The following ARHGAP25 variants were observed in gnomAD, a reference collection of about 807,000 sequenced individuals.
The protein encoded by ARHGAP25 is rho GTPase-activating protein 25.
ARHGAP25 carries 34 observed loss-of-function variants against 71.0 expected under a neutral mutation model. That is an observed-to-expected ratio of 0.48 (90% confidence interval 0.36 to 0.64). The LOEUF (loss-of-function observed/expected upper bound fraction) is 0.64. ARHGAP25 is among the 30% of genes least tolerant of loss of function. The probability of loss-of-function intolerance (pLI) is 0.00; values close to 1 mark genes in which losing one functional copy is unlikely to be tolerated. For missense variants in ARHGAP25, 706 were observed against 805.1 expected (o/e 0.88, Z 1.49); for synonymous variants, 282 against 296.5 (o/e 0.95, Z 0.50).
At chr2:68,742,810 C>T (rs913084861) in intron 1 of ARHGAP25, among the ~76,000 whole-genome samples, 1 of 152,182 alleles carries the variant, frequency 6.6e-6, no homozygotes, top group Non-Finnish European at 1.5e-5. Context: ...AGTGTCTGCT[C>T]CTGGCTCACA....
At chr2:68,742,455 C>T (rs935413788) in intron 1 of ARHGAP25, among the ~76,000 whole-genome samples, 4 of 152,178 alleles carry the variant, frequency 2.6e-5, no homozygotes, top group African/African-American at 7.2e-5. Flanking sequence ...TATCATCGAT[C>T]GGTCACTGTG....
intron 5 of ARHGAP25, among the ~76,000 whole-genome samples, chr2:68,809,849 G>A (rs1680649621): frequency 6.6e-6 from 1 of 152,162 alleles, no homozygotes; most frequent in Non-Finnish European, 1.5e-5. Flanking sequence ...TGTTTGGTGA[G>A]ACTAGTGCAG....
chr2:68,775,126 T>G (rs1445553580), intron 1 of ARHGAP25, 95 bp from the exon 2 acceptor site: 1 of 1,604,686 alleles, frequency 6.2e-7, no homozygotes, highest in African/African-American at 1.3e-5. Flanking sequence ...CCCCCGCTTC[T>G]CAGCCCCCTC....
At chr2:68,807,228 A>G (rs1680439658) in intron 4 of ARHGAP25, 45 bp from the exon 5 acceptor site, 1 of 1,602,078 alleles carries the variant, frequency 6.2e-7, no homozygotes, top group Non-Finnish European at 8.5e-7. Flanking sequence ...AGTTCATCCA[A>G]GGAAGCACAG....
chr2:68,731,806 G>A (rs944540011), upstream of ARHGAP25, among the ~76,000 whole-genome samples: 1 of 150,392 alleles, frequency 6.6e-6, no homozygotes, highest in Non-Finnish European at 1.5e-5. Context: ...TAGGCCCCTC[G>A]CATATACACC....
At chr2:68,808,588 A>T (rs1680547989) in intron 5 of ARHGAP25, among the ~76,000 whole-genome samples, 1 of 152,194 alleles carries the variant, frequency 6.6e-6, no homozygotes, top group Non-Finnish European at 1.5e-5. Context: ...GAAGCAAGAG[A>T]TGGGGTTCTT....
At chr2:68,816,233 C>T (rs1436906613) in intron 6 of ARHGAP25, 56 bp from the exon 7 acceptor site, 9 of 1,444,904 alleles carry the variant, frequency 6.2e-6, no homozygotes, top group Non-Finnish European at 8.8e-6. Context: ...TCCTTGCTGG[C>T]ACATGGGCAG....
Position 68,782,314 on chromosome 2 carries a change from A to G in ARHGAP25, c.343A>G (p.Ile115Val). 1 of 1,614,122 alleles carries G rather than the reference A, an allele frequency of 6.2e-7. No individual in the cohort carries two copies. Among genetic ancestry groups the G allele is most frequent in the Non-Finnish European group, 8.5e-7 (1 of 1,179,976 alleles). ...EEAGKFVFEI[I>V]PASWDQNRMG... ...AGCTGGGAAGTTTGTCTTTGAAATC[A>G]TTCCAGGTAGGCCACCACAGGTAGG... The change falls in exon 3 of 11, where the codon ATT becomes GTT. Residue 115 changes from isoleucine to valine, a missense_variant. Coordinates refer to ENST00000409202, the MANE Select transcript of ARHGAP25 (RefSeq NM_001007231.3).
chr2:68,717,748 G>A (rs566831979), intron 2 of ARHGAP25, among the ~76,000 whole-genome samples: 19 of 152,318 alleles, frequency 1.2e-4, no homozygotes, highest in Admixed American at 7.8e-4. Flanking sequence ...TTTAAAGTGG[G>A]AGTGAAAACT....
In ARHGAP25 at chr2:68,807,263, C is replaced by G; in HGVS notation, c.467-10C>G. On this transcript the variant is annotated splice_polypyrimidine_tract_variant and intron_variant, in intron 4 of 10. Coordinates refer to ENST00000409202, the MANE Select transcript of ARHGAP25 (RefSeq NM_001007231.3). ...GAATGACGGGCAGGTTCTGTTTGCTCTCTCCTCAGCAGTGTTTGGCCAGCG... is the reference window on the plus strand; with the variant it reads ...GAATGACGGGCAGGTTCTGTTTGCTGTCTCCTCAGCAGTGTTTGGCCAGCG... The G allele has an allele frequency of 6.2e-7, 1 of 1,614,118 alleles. No individual in the cohort carries two copies. Among genetic ancestry groups the G allele is most frequent in the Non-Finnish European group, 8.5e-7 (1 of 1,179,994 alleles).
intron 8 of ARHGAP25, 128 bp from the exon 9 acceptor site, chr2:68,818,995 C>T (rs889055427): frequency 2.6e-6 from 2 of 757,964 alleles, no homozygotes; most frequent in Non-Finnish European, 4.1e-6. Context: ...TTTTGAGAAG[C>T]AAAATGAGGC....
At chr2:68,805,459 T>C (rs1004236286) in intron 4 of ARHGAP25, among the ~76,000 whole-genome samples, 1 of 152,124 alleles carries the variant, frequency 6.6e-6, no homozygotes, top group East Asian at 1.9e-4. Context: ...CAACACCTGA[T>C]GTGATGAAAG....
intron 4 of ARHGAP25, among the ~76,000 whole-genome samples, 195 bp from the exon 5 acceptor site, chr2:68,807,078 A>G (rs1301520717): frequency 6.6e-6 from 1 of 152,230 alleles, no homozygotes; most frequent in African/African-American, 2.4e-5. Flanking sequence ...ATATAAAAAG[A>G]CTGATAAAGA....
At chr2:68,802,838 A>G (rs1218111718) in intron 4 of ARHGAP25, among the ~76,000 whole-genome samples, 2 of 152,126 alleles carry the variant, frequency 1.3e-5, no homozygotes, top group African/African-American at 2.4e-5. Flanking sequence ...GGTCATTTGC[A>G]TGAGAGCTGA....
chr2:68,760,518 G>C (rs970102142), intron 1 of ARHGAP25, among the ~76,000 whole-genome samples: 1 of 151,920 alleles, frequency 6.6e-6, no homozygotes, highest in Admixed American at 6.6e-5. Context: ...TCAAAAATCA[G>C]TTGCACTTCT....
At chr2:68,718,503 A>C (rs1305560789) in intron 2 of ARHGAP25, among the ~76,000 whole-genome samples, 2 of 149,530 alleles carry the variant, frequency 1.3e-5, no homozygotes, top group Non-Finnish European at 3.0e-5. Flanking sequence ...TACTTTTACC[A>C]TATTGTGAAA....
At chr2:68,745,857 C>A (rs929025732) in intron 1 of ARHGAP25, among the ~76,000 whole-genome samples, 1 of 152,188 alleles carries the variant, frequency 6.6e-6, no homozygotes, top group Non-Finnish European at 1.5e-5. Context: ...GTAGATGATG[C>A]TGACTTGGTG....
In ARHGAP25 at chr2:68,763,483, G is replaced by T. The variant is rs537817575; in HGVS notation, c.62-11738G>T. ...TTCAATTCTTCCCTCCCCTTTTTTC[G>T]GTTTGAGATACACTTTAACACCTAA... On this transcript the variant is annotated intron_variant, in intron 1 of 10. Transcript: ENST00000409202. Among the ~76,000 whole-genome samples, 17 of 151,702 alleles carry T rather than the reference G, an allele frequency of 1.1e-4. No homozygotes were observed. In the South Asian group the frequency reaches 3.5e-3, roughly 32 times the overall value.
intron 1 of ARHGAP25, among the ~76,000 whole-genome samples, chr2:68,768,247 G>A (rs1452551030): frequency 6.6e-6 from 1 of 152,130 alleles, no homozygotes; most frequent in African/African-American, 2.4e-5. Context: ...TGGCTGGCTC[G>A]TGGTAAGTAC....
Sources: gnomAD v4.1 joint callset for allele counts (sites outside exome capture counted in the v4.1 genomes callset) on GRCh38, gnomAD v4.1.1 for gene constraint, MANE v1.5 for transcripts, NCBI Gene and HGNC (gene_info 2026-07-23, HGNC 2026-07-21) for gene names.